Variants in NRG1 observed in about 807,000 individuals in gnomAD.
The protein encoded by NRG1 is neuregulin 1.
Under a neutral mutation model 63.8 loss-of-function variants are expected in NRG1, and 18 were observed. That is an observed-to-expected ratio of 0.28 (90% CI 0.19 to 0.42). The LOEUF is 0.42. Ranked by LOEUF, NRG1 falls within the 10% of genes least tolerant of loss-of-function variation. NRG1 has a pLI of 1.00. For missense variants in NRG1, 762 were observed against 814.7 expected (o/e 0.94, Z 0.79); for synonymous variants, 302 against 301.3 (o/e 1.00, Z -0.02).
At chr8:31,802,761 A>G (rs1442777362) in intron 1 of NRG1, among the ~76,000 whole-genome samples, 3 of 152,214 alleles carry the variant, frequency 2.0e-5, no homozygotes, top group African/African-American at 7.2e-5. Context: ...GAAAAATAGC[A>G]TTTGAGTGAT....
At chr8:32,679,574 T>C (rs1808079755) in intron 5 of NRG1, among the ~76,000 whole-genome samples, 1 of 152,212 alleles carries the variant, frequency 6.6e-6, no homozygotes, top group South Asian at 2.1e-4. Flanking sequence ...GTTGTATAAA[T>C]TTAATCTACA....
chr8:32,624,868 G>T (rs1848938547), intron 5 of NRG1, among the ~76,000 whole-genome samples: 1 of 152,122 alleles, frequency 6.6e-6, no homozygotes, highest in Non-Finnish European at 1.5e-5. Context: ...CCATGATTGA[G>T]GAGATTTTGA....
chr8:32,316,205 C>T (rs549312225), intron 1 of NRG1, among the ~76,000 whole-genome samples: 2 of 152,258 alleles, frequency 1.3e-5, no homozygotes, highest in East Asian at 1.9e-4. Flanking sequence ...GGACCGGGCG[C>T]GGTGGCTCAC....
intron 1 of NRG1, among the ~76,000 whole-genome samples, chr8:32,000,951 C>A (rs1345292767): frequency 1.3e-5 from 2 of 151,958 alleles, no homozygotes; most frequent in Non-Finnish European, 2.9e-5. Context: ...ATTACACATA[C>A]AAAATCAAAA....
chr8:32,290,929 A>C (rs190374510), intron 1 of NRG1, among the ~76,000 whole-genome samples: 1 of 148,318 alleles, frequency 6.7e-6, no homozygotes, highest in Non-Finnish European at 1.5e-5. Flanking sequence ...GTGTGTGTGC[A>C]TGCATTTGTG....
At chr8:32,757,486 T>C (rs763211383) in intron 9 of NRG1, among the ~76,000 whole-genome samples, 4 of 152,196 alleles carry the variant, frequency 2.6e-5, no homozygotes, top group Non-Finnish European at 5.9e-5. Context: ...GAGTTGGTGG[T>C]TACTAAACTA....
rs1213656652 is a variant in NRG1 at position 31,934,886 on chromosome 8, A to T, written c.37+295455A>T. ...AAAATGCTGCCTGGCACATGTAGAGACTCAGAATATGCTTTCAGAATTGAA... is the reference window on the plus strand; with the variant it reads ...AAAATGCTGCCTGGCACATGTAGAGTCTCAGAATATGCTTTCAGAATTGAA... On this transcript the variant is annotated intron_variant, in intron 1 of 10. Transcript: ENST00000519301. Among the ~76,000 whole-genome samples, 3 of 152,256 alleles carry T rather than the reference A, an allele frequency of 2.0e-5. No individual in the cohort carries two copies. The South Asian group carries it at 6.2e-4, about 32-fold the overall frequency.
At chr8:32,117,801 A>G (rs1832932556) in intron 1 of NRG1, among the ~76,000 whole-genome samples, 1 of 152,076 alleles carries the variant, frequency 6.6e-6, no homozygotes, top group African/African-American at 2.4e-5. Context: ...TTCATTCTCT[A>G]GTGAAATATT....
intron 1 of NRG1, among the ~76,000 whole-genome samples, chr8:31,993,046 A>T (rs1811355378): frequency 6.6e-6 from 1 of 152,054 alleles, no homozygotes; most frequent in Non-Finnish European, 1.5e-5. Context: ...TGTAAGAATT[A>T]GTATCCTCCC....
At chr8:32,238,789 A>G (rs1430188774) in intron 1 of NRG1, among the ~76,000 whole-genome samples, 3 of 152,186 alleles carry the variant, frequency 2.0e-5, no homozygotes, top group African/African-American at 7.2e-5. Flanking sequence ...TTACATTAAG[A>G]TAAGAGGTTT....
chr8:32,562,054 A>C lies in NRG1; in HGVS notation c.100+13228A>C, dbSNP rs977710016. Among the ~76,000 whole-genome samples, 114 of 152,158 alleles carry C rather than the reference A, an allele frequency of 7.5e-4. 2 individuals are homozygous for C. The highest frequency in any genetic ancestry group is 4.6e-4 in the Non-Finnish European group (31 of 68,014). ...TTATGGGAAGAATGCCACTCTACAG[A>C]TTATAGCAGGGAGGAGCTTTGCCCT... is the stretch of plus-strand genomic sequence containing the variant. On this transcript the variant is annotated intron_variant, in intron 1 of 11. Coordinates refer to ENST00000356819, the Ensembl canonical transcript of NRG1.
intron 1 of NRG1, among the ~76,000 whole-genome samples, chr8:31,991,698 C>T (rs116115713): frequency 2.3e-3 from 350 of 152,086 alleles, no homozygotes; most frequent in African/African-American, 8.2e-3. Flanking sequence ...ATCAAGTTTT[C>T]TCCCTTGCCT....
chr8:32,035,612 AGGGTGCTCCTGTATT>A (rs1178904452), intron 1 of NRG1, among the ~76,000 whole-genome samples: 3 of 152,288 alleles, frequency 2.0e-5, no homozygotes, highest in African/African-American at 7.2e-5. Context: ...TATATGAATC[AGGGTGCTCCTGTATT>A]GGGTGCATAA....
intron 1 of NRG1, among the ~76,000 whole-genome samples, chr8:31,992,137 C>T (rs1245629560): frequency 6.6e-6 from 1 of 151,416 alleles, no homozygotes; most frequent in Non-Finnish European, 1.5e-5. Context: ...GAGTTCAAGA[C>T]CAGCCTGAGC....
intron 1 of NRG1, among the ~76,000 whole-genome samples, chr8:32,270,607 GT>G (rs1351171305): frequency 6.6e-6 from 1 of 152,182 alleles, no homozygotes; most frequent in Non-Finnish European, 1.5e-5. Context: ...ACAGAGTGAT[GT>G]TTCACTGTCA....
intron 1 of NRG1, among the ~76,000 whole-genome samples, chr8:32,180,245 CT>C (rs1193661075): frequency 1.3e-5 from 2 of 152,114 alleles, no homozygotes; most frequent in Non-Finnish European, 2.9e-5. Context: ...CTTTGGCAGA[CT>C]TTTGCAGATG....
Position 32,432,786 on chromosome 8 carries a change from C to A in NRG1, c.38-163042C>A, listed in dbSNP as rs571602309. ...TACAGGTGTGAGCCACCGCACCCAG[C>A]CAATCACACTGTATTTAATATCACA... On this transcript the variant is annotated intron_variant, in intron 1 of 10. Transcript: ENST00000519301. Among the ~76,000 whole-genome samples the A allele has an allele frequency of 8.1e-4, 124 of 152,268 alleles. 1 individual carries two copies. Among genetic ancestry groups the A allele is most frequent in the African/African-American group, 2.7e-3 (113 of 41,564 alleles).
chr8:32,742,096 A>G lies in NRG1; in HGVS notation c.633-579A>G. ...AGAAAGTATGTCAAAATAATCTGAAATTTGCTTTCTCCCCCAACTACAGCA... is the reference window on the plus strand; with the variant it reads ...AGAAAGTATGTCAAAATAATCTGAAGTTTGCTTTCTCCCCCAACTACAGCA... On this transcript the variant is annotated intron_variant, in intron 6 of 11. Transcript: ENST00000356819. The surrounding 1 kb of genome is among the most constrained non-coding windows in gnomAD (Gnocchi z 4.2). 6.2e-7 allele frequency: 1 copy of G among 1,604,726 alleles called. No individual in the cohort carries two copies. The highest frequency in any genetic ancestry group is 8.5e-7 in the Non-Finnish European group (1 of 1,171,784).
chr8:32,464,146 A>G (rs10954848), intron 1 of NRG1, among the ~76,000 whole-genome samples: 116,728 of 151,250 alleles, frequency 0.77, 45,242 homozygotes, highest in East Asian at 0.89. Flanking sequence ...CTCCCGCCTC[A>G]GTCCCCCAGA....
Sources: allele counts gnomAD v4.1 joint callset (sites outside exome capture counted in the v4.1 genomes callset), GRCh38; gene constraint gnomAD v4.1.1; non-coding constraint Gnocchi (gnomAD v3.1); transcripts MANE v1.5; gene names NCBI Gene and HGNC (gene_info 2026-07-23, HGNC 2026-07-21).